SYMPK: variants seen among roughly 807,000 people sequenced by gnomAD.
SYMPK encodes symplekin scaffold protein.
A neutral mutation model predicts 136.4 loss-of-function variants in SYMPK; 49 were observed. The observed-to-expected ratio is 0.36, with a 90% confidence interval of 0.29 to 0.46. SYMPK has a LOEUF of 0.46. SYMPK is among the 20% of genes least tolerant of loss of function. SYMPK has a pLI of 1.00. For missense variants in SYMPK, 1,365 were observed against 1,690.0 expected (o/e 0.81, Z 3.37); for synonymous variants, 766 against 713.0 (o/e 1.07, Z -1.19).
At chr19:45,822,691 T>C in intron 21 of SYMPK, 65 bp downstream of exon 21, 1 of 1,436,560 alleles carries the variant, frequency 7.0e-7, no homozygotes, top group Non-Finnish European at 9.8e-7. Context: ...TGCCTGCACC[T>C]TGCCTTCTGC....
intron 22 of SYMPK, chr19:45,820,825 A>C: frequency 2.6e-6 from 1 of 390,874 alleles, no homozygotes; most frequent in East Asian, 4.7e-5. Context: ...ACACAATGGA[A>C]GTGAACATAC....
chr19:45,817,106 G>A lies in SYMPK; in HGVS notation c.3082-132C>T, dbSNP rs78556625. 4,597 of 950,938 alleles carry A rather than the reference G, an allele frequency of 4.8e-3. 138 individuals are homozygous for A. The African/African-American group carries it at 0.069, about 14-fold the overall frequency. The allele number at this position is 950,938 out of a possible 1,614,324, so 58.9% of individuals were successfully genotyped here. A position where few individuals can be genotyped will look rare whatever the true frequency, so the allele number is the denominator to read the frequency against. On this transcript the variant is annotated intron_variant, in intron 23 of 26. Coordinates refer to ENST00000245934, the MANE Select transcript of SYMPK (RefSeq NM_004819.3). ...CAAGATTCCTCTGGATGGGCAACAA[G>A]CAGCCCCGACCTCCCTCCAGAGGCC...
intron 11 of SYMPK, among the ~76,000 whole-genome samples, chr19:45,832,384 C>G (rs1328821680): frequency 6.6e-6 from 1 of 151,766 alleles, no homozygotes; most frequent in East Asian, 2.0e-4. Flanking sequence ...TCAGGTGATC[C>G]ACCCGCCTCA....
At chr19:45,854,556 A>ATGGGC (rs1468938299) in intron 1 of SYMPK, 49 bp from the exon 2 acceptor site, 3 of 1,501,322 alleles carry the variant, frequency 2.0e-6, no homozygotes, top group East Asian at 2.3e-5. Flanking sequence ...GAACCAGCGG[A>ATGGGC]TGGGCTGGGC....
rs906031893 is a variant in SYMPK at position 45,829,110 on chromosome 19, G to T, written c.1845C>A (p.Arg615=). The T allele has an allele frequency of 6.2e-7, 1 of 1,614,238 alleles. No individual in the cohort carries two copies. Among genetic ancestry groups the T allele is most frequent in the Non-Finnish European group, 8.5e-7 (1 of 1,180,048 alleles). The change falls in exon 14 of 27, where the codon CGC becomes CGA. Residue 615 remains arginine (R), a synonymous_variant. Transcript: ENST00000245934. Reference sequence around the variant, plus strand: ...AGAGCCAGGCGAAGGCCAGGTCCAGGCGGGCCCGCACATCCTCCAGGATGA... The same window carrying T: ...AGAGCCAGGCGAAGGCCAGGTCCAGTCGGGCCCGCACATCCTCCAGGATGA... ...LSFILEDVRA[R]LDLAFAWLYQ... is the part of the protein sequence containing the mutation.
chr19:45,815,828 G>T, intron 26 of SYMPK, 23 bp downstream of exon 26: 1 of 1,607,482 alleles, frequency 6.2e-7, no homozygotes, highest in Non-Finnish European at 8.5e-7. Flanking sequence ...TTCTTCCTTC[G>T]CAGCGGAGGC....
chr19:45,818,232 G>T, intron 22 of SYMPK, 86 bp from the exon 23 acceptor site: 1 of 1,346,040 alleles, frequency 7.4e-7, no homozygotes, highest in Non-Finnish European at 1.0e-6. Flanking sequence ...GTCTGCCCAT[G>T]TGAGGGGAAG....
Position 45,848,733 on chromosome 19 carries a change from G to C in SYMPK, c.426+17C>G. The C allele has an allele frequency of 1.2e-6, 2 of 1,613,064 alleles. No homozygotes were observed. Among genetic ancestry groups the C allele is most frequent in the South Asian group, 2.2e-5 (2 of 91,028 alleles). ...CATATCAGGCAGGATGGCCCTGGGTGGGGAGGGCGCTCTCACCTGCAGGGC... is the reference window on the plus strand; with the variant it reads ...CATATCAGGCAGGATGGCCCTGGGTCGGGAGGGCGCTCTCACCTGCAGGGC... On this transcript the variant is annotated intron_variant, in intron 6 of 26. Coordinates refer to ENST00000245934, the MANE Select transcript of SYMPK (RefSeq NM_004819.3).
chr19:45,861,208 T>TAAAAC (rs979787933), intron 1 of SYMPK, among the ~76,000 whole-genome samples: 1 of 151,816 alleles, frequency 6.6e-6, no homozygotes, highest in Non-Finnish European at 1.5e-5. Context: ...TAAAATAAAA[T>TAAAAC]AAAACCCCAT....
chr19:45,861,522 C>T lies in SYMPK; in HGVS notation c.-13+1536G>A, dbSNP rs769583250. Among the ~76,000 whole-genome samples the T allele has an allele frequency of 5.0e-4, 76 of 152,124 alleles. 1 individual carries two copies. The highest frequency in any genetic ancestry group is 1.5e-4 in the Non-Finnish European group (10 of 68,026). Reference sequence around the variant, plus strand: ...TCGGGAGGCGGAGGCAGGTGGATCACGAGGTCAGGAGTTCAAGACCAGCCT... The same window carrying T: ...TCGGGAGGCGGAGGCAGGTGGATCATGAGGTCAGGAGTTCAAGACCAGCCT... On this transcript the variant is annotated intron_variant, in intron 1 of 26. Coordinates refer to ENST00000245934, the MANE Select transcript of SYMPK (RefSeq NM_004819.3).
rs747322445 is a variant in SYMPK at position 45,842,241 on chromosome 19, C to T, written c.1087+9G>A. The stretch of plus-strand genomic sequence containing the variant: ...GGTCTGCCTGCCCCACCCCACCAGC[C>T]CCTCTCACCCAGCTTCATCTTCTTG... On this transcript the variant is annotated intron_variant, in intron 9 of 26. Transcript: ENST00000245934. 1.2e-6 allele frequency: 2 copies of T among 1,613,932 alleles called. No individual in the cohort carries two copies. Among genetic ancestry groups the T allele is most frequent in the South Asian group, 1.1e-5 (1 of 91,070 alleles).
intron 25 of SYMPK, 138 bp downstream of exon 25, chr19:45,816,344 C>A (rs1970736656): frequency 7.8e-7 from 1 of 1,279,916 alleles, no homozygotes; most frequent in East Asian, 2.5e-5. Context: ...GCAGGAGCAT[C>A]CCCTGGGAGA....
intron 16 of SYMPK, 65 bp from the exon 17 acceptor site, chr19:45,826,438 C>A (rs932499863): frequency 3.2e-6 from 5 of 1,544,850 alleles, no homozygotes; most frequent in Non-Finnish European, 4.5e-6. Flanking sequence ...GCTATTCCTG[C>A]GAGCATGGCA....
intron 24 of SYMPK, 50 bp from the exon 25 acceptor site, chr19:45,816,627 C>A (rs1002309143): frequency 3.1e-6 from 5 of 1,610,014 alleles, no homozygotes; most frequent in African/African-American, 2.7e-5. Flanking sequence ...GGCACAGAGA[C>A]CCCATTTGCA....
intron 1 of SYMPK, among the ~76,000 whole-genome samples, chr19:45,857,031 T>C (rs1971837550): frequency 6.6e-6 from 1 of 151,704 alleles, no homozygotes; most frequent in Admixed American, 6.6e-5. Flanking sequence ...GGTGGGAGAA[T>C]CACTTGAACC....
intron 23 of SYMPK, among the ~76,000 whole-genome samples, chr19:45,817,533 G>A (rs997358738): frequency 6.8e-6 from 1 of 148,130 alleles, no homozygotes; most frequent in Non-Finnish European, 1.5e-5. Flanking sequence ...CTGGGCTCAA[G>A]CAGTCCTCCT....
chr19:45,842,565 A>C lies in SYMPK; in HGVS notation c.848-76T>G, dbSNP rs1358104931. On this transcript the variant is annotated intron_variant, in intron 8 of 26. Coordinates refer to ENST00000245934, the MANE Select transcript of SYMPK (RefSeq NM_004819.3). ...CTGCCAGTCTTAATTCTCAACCCCA[A>C]ACTTGGGCAGTGGTCTTGCAGGCAT... The C allele has an allele frequency of 5.7e-6, 9 of 1,567,346 alleles. No homozygotes were observed. The East Asian group carries it at 2.0e-4, about 35-fold the overall frequency.
intron 25 of SYMPK, 147 bp downstream of exon 25, chr19:45,816,335 C>T (rs749041046): frequency 1.1e-5 from 13 of 1,235,850 alleles, no homozygotes; most frequent in Admixed American, 5.6e-5. Flanking sequence ...CAACTCCCAG[C>T]AGGAGCATCC....
At position 45,830,057 on chromosome 19, in the gene SYMPK, G is replaced by A. The variant is rs780287663; in HGVS notation, c.1746C>T (p.Ala582=). ...AEKAVACSGA[A]QVRIKILASL... ...GTGGGGGGTGGCAGGCGCACACCTG[G>A]GCTGCCCCGCTGCAGGCCACAGCCT... Residue 582 remains alanine (A), a synonymous_variant, in exon 13 of 27, where the codon GCC becomes GCT. Transcript: ENST00000245934. 27 of 1,550,674 alleles carry A rather than the reference G, an allele frequency of 1.7e-5. No individual in the cohort carries two copies. The highest frequency in any genetic ancestry group is 1.2e-4 in the African/African-American group (9 of 73,062).
Sources: gnomAD v4.1 joint callset for allele counts (sites outside exome capture counted in the v4.1 genomes callset) on GRCh38, gnomAD v4.1.1 for gene constraint, MANE v1.5 for transcripts, NCBI Gene and HGNC (gene_info 2026-07-23, HGNC 2026-07-21) for gene names.